Variants in USP32 observed in about 807,000 individuals in gnomAD.
USP32 encodes ubiquitin carboxyl-terminal hydrolase 32.
In USP32, 59 loss-of-function variants were observed where a neutral mutation model predicts 204.8. The ratio of observed to expected loss-of-function variants is 0.29; its 90% CI spans 0.23 to 0.36. The LOEUF (loss-of-function observed/expected upper bound fraction) is 0.36, where lower values mean the gene tolerates loss of function less well. Among genes scored for constraint, USP32 ranks in the 10% least tolerant of loss-of-function variants. USP32 has a pLI of 1.00. For missense variants in USP32, 1,160 were observed against 1,946.4 expected, an observed-to-expected ratio of 0.60 and a Z score of 7.60; for synonymous variants, 517 against 678.4, an observed-to-expected ratio of 0.76 and a Z score of 3.70.
intron 5 of USP32, among the ~76,000 whole-genome samples, chr17:60,284,526 A>C (rs1469398817): frequency 6.6e-6 from 1 of 152,030 alleles, no homozygotes; most frequent in African/African-American, 2.4e-5. Context: ...AGCCTAATTC[A>C]AGATTTCTTA....
chr17:60,184,413 A>C (rs1433320524), intron 30 of USP32, among the ~76,000 whole-genome samples: 1 of 151,866 alleles, frequency 6.6e-6, no homozygotes, highest in Non-Finnish European at 1.5e-5. Flanking sequence ...GCTAACAACC[A>C]ATGTTATTAA....
intron 1 of USP32, among the ~76,000 whole-genome samples, chr17:60,370,784 GAAGAA>G (rs1333570396): frequency 1.4e-5 from 2 of 141,308 alleles, no homozygotes; most frequent in Non-Finnish European, 3.1e-5. Context: ...AAAAAAAAAA[GAAGAA>G]AAGAGAAAAA....
Position 60,386,847 on chromosome 17 carries a change from T to C in USP32, c.58+5035A>G, listed in dbSNP as rs1407059381. Among the ~76,000 whole-genome samples, 10 of 152,296 alleles carry C rather than the reference T, an allele frequency of 6.6e-5. No homozygotes were observed. In the East Asian group the frequency reaches 1.9e-3, roughly 29 times the overall value. On this transcript the variant is annotated intron_variant, in intron 1 of 33. Coordinates refer to ENST00000300896, the MANE Select transcript of USP32 (RefSeq NM_032582.4). Reference sequence around the variant, plus strand: ...ACCAAACCTACGAACTAAAGATTAGTGAGGTGAAAACAGTGAAATTAGTGA... The same window carrying C: ...ACCAAACCTACGAACTAAAGATTAGCGAGGTGAAAACAGTGAAATTAGTGA...
intron 5 of USP32, among the ~76,000 whole-genome samples, chr17:60,273,235 A>G (rs1262836270): frequency 4.6e-5 from 7 of 152,132 alleles, no homozygotes; most frequent in African/African-American, 1.7e-4. Context: ...GGCCTCCGAA[A>G]GTGTGGGGAT....
intron 2 of USP32, among the ~76,000 whole-genome samples, chr17:60,340,738 T>G (rs2088636759): frequency 1.3e-5 from 2 of 152,340 alleles, no homozygotes; most frequent in Non-Finnish European, 1.5e-5. Flanking sequence ...ATTTTGCCCA[T>G]TAATTGATGC....
At chr17:60,196,817 T>G (rs1418548556) in intron 27 of USP32, among the ~76,000 whole-genome samples, 1 of 151,922 alleles carries the variant, frequency 6.6e-6, no homozygotes. Context: ...AGAGCGAGAC[T>G]CTGTGTCAAA....
At chr17:60,363,517 CAA>C (rs774220831) in intron 1 of USP32, among the ~76,000 whole-genome samples, 1 of 133,244 alleles carries the variant, frequency 7.5e-6, no homozygotes. Context: ...GACTCTGTCT[CAA>C]AAAAAAAAAA....
intron 1 of USP32, among the ~76,000 whole-genome samples, chr17:60,349,631 T>TACAC (rs2088896375): frequency 9.7e-6 from 1 of 103,342 alleles, no homozygotes; most frequent in African/African-American, 5.9e-5. Flanking sequence ...ATATTATATA[T>TACAC]ATATATATAT....
At chr17:60,351,475 C>T (rs1048029569) in intron 1 of USP32, among the ~76,000 whole-genome samples, 3 of 152,070 alleles carry the variant, frequency 2.0e-5, no homozygotes, top group Non-Finnish European at 4.4e-5. Context: ...CACTCCGTCC[C>T]CCAGGCTGGA....
At chr17:60,326,355 G>A (rs1314608869) in intron 2 of USP32, among the ~76,000 whole-genome samples, 1 of 150,990 alleles carries the variant, frequency 6.6e-6, no homozygotes, top group Admixed American at 6.6e-5. Flanking sequence ...TCGTCGCCCC[G>A]GCTCGAGTGG....
rs531128060 is a variant in USP32, at chr17:60,286,703, T to C, written c.571+1820A>G. On this transcript the variant is annotated intron_variant, in intron 5 of 33. Coordinates refer to ENST00000300896, the MANE Select transcript of USP32 (RefSeq NM_032582.4). The stretch of plus-strand genomic sequence containing the variant: ...TAAAAGAAGATGTTTGATTTCCCTA[T>C]AGCAACTAAAGATAACATCTTAATA... Among the ~76,000 whole-genome samples the C allele has an allele frequency of 2.6e-5, 4 of 152,322 alleles. No individual in the cohort carries two copies. The South Asian group carries it at 8.3e-4, about 32-fold the overall frequency.
At chr17:60,226,552 T>C (rs1314496661) in intron 12 of USP32, among the ~76,000 whole-genome samples, 1 of 152,192 alleles carries the variant, frequency 6.6e-6, no homozygotes, top group African/African-American at 2.4e-5. Context: ...TTCTTCCTTA[T>C]TTCCCATAGT....
chr17:60,303,441 T>C (rs1194344382), intron 2 of USP32, among the ~76,000 whole-genome samples: 2 of 151,924 alleles, frequency 1.3e-5, no homozygotes, highest in East Asian at 3.9e-4. Context: ...AGAGAATGTC[T>C]TTGAGGTGTG....
exon 1 of USP32, chr17:60,422,336 G>C (rs1189345218): frequency 1.2e-6 from 1 of 844,224 alleles, no homozygotes; most frequent in East Asian, 4.0e-5. Context: ...CAAAGTCTTC[G>C]CTCGACCCCG....
At chr17:60,337,178 GC>G (rs1218802115) in intron 2 of USP32, among the ~76,000 whole-genome samples, 3 of 152,044 alleles carry the variant, frequency 2.0e-5, no homozygotes, top group Non-Finnish European at 4.4e-5. Flanking sequence ...AAATATGCAG[GC>G]CCCCCAACTC....
rs771826167 is a variant in USP32, at chr17:60,223,406, C to T, written c.1608+5G>A. On this transcript the variant is annotated splice_donor_5th_base_variant and intron_variant, in intron 14 of 33. Transcript: ENST00000300896. ...AATTTTAAGTTTAGATGTAAAATTA[C>T]TTACCTTTACTGGTTCTTGAGTTAC... 6.9e-6 allele frequency: 11 copies of T among 1,600,090 alleles called. No homozygotes were observed. The highest frequency in any genetic ancestry group is 3.4e-5 in the South Asian group (3 of 87,374).
At chr17:60,418,670 A>C (rs181371384) in intron 1 of USP32, among the ~76,000 whole-genome samples, 22 of 152,264 alleles carry the variant, frequency 1.4e-4, no homozygotes, top group Admixed American at 1.4e-3. Flanking sequence ...TTACAAGAAT[A>C]AAAACAAACA....
At chr17:60,212,462 A>G (rs2084996282) in intron 18 of USP32, among the ~76,000 whole-genome samples, 1 of 152,144 alleles carries the variant, frequency 6.6e-6, no homozygotes, top group Non-Finnish European at 1.5e-5. Context: ...GCACAACTAA[A>G]AATACAGTAT....
chr17:60,302,129 A>G (rs141431934), intron 2 of USP32, among the ~76,000 whole-genome samples: 2 of 144,272 alleles, frequency 1.4e-5, no homozygotes, highest in African/African-American at 5.0e-5. Flanking sequence ...TTATTTATTT[A>G]TTTATTTATT....
Sources: allele counts gnomAD v4.1 joint callset (sites outside exome capture counted in the v4.1 genomes callset), GRCh38; gene constraint gnomAD v4.1.1; transcripts MANE v1.5; gene names NCBI Gene and HGNC (gene_info 2026-07-23, HGNC 2026-07-21).